KCNB2: variants seen among roughly 807,000 people sequenced by gnomAD.
KCNB2 encodes the protein delayed rectifier potassium channel protein.
A neutral mutation model predicts 61.5 loss-of-function variants in KCNB2; 15 were observed. The observed-to-expected ratio is 0.24, with a 90% CI of 0.16 to 0.38. The LOEUF (loss-of-function observed/expected upper bound fraction) is 0.38, where lower values mean the gene tolerates loss of function less well. KCNB2 is among the 10% of genes least tolerant of loss of function. KCNB2 has a pLI of 1.00. For synonymous variants in KCNB2, 457 were observed against 446.0 expected, an observed-to-expected ratio of 1.02 and a Z score of -0.31; for missense variants, 828 against 1,125.2, an observed-to-expected ratio of 0.74 and a Z score of 3.78.
At chr8:72,901,766 C>A (rs1192648218) in intron 2 of KCNB2, among the ~76,000 whole-genome samples, 1 of 152,148 alleles carries the variant, frequency 6.6e-6, no homozygotes, top group Non-Finnish European at 1.5e-5. Context: ...TTGCTGGATG[C>A]TGCCAAACTC....
intron 2 of KCNB2, among the ~76,000 whole-genome samples, chr8:72,660,218 G>A (rs1179885637): frequency 6.6e-6 from 1 of 152,146 alleles, no homozygotes; most frequent in African/African-American, 2.4e-5. Context: ...AATGAACTTG[G>A]AAGGTGGCTT....
chr8:72,842,324 G>GCT (rs1372624125), intron 2 of KCNB2, among the ~76,000 whole-genome samples: 1 of 152,182 alleles, frequency 6.6e-6, no homozygotes, highest in Non-Finnish European at 1.5e-5. Context: ...TGTGCTATTG[G>GCT]ATTCAGTTTG....
intron 2 of KCNB2, among the ~76,000 whole-genome samples, chr8:72,642,797 T>A (rs1806077330): frequency 6.6e-6 from 1 of 152,174 alleles, no homozygotes; most frequent in Admixed American, 6.5e-5. Context: ...GAGCAAAATT[T>A]CTTGCTTTGG....
chr8:72,725,608 T>C (rs1187737554), intron 2 of KCNB2, among the ~76,000 whole-genome samples: 3 of 143,132 alleles, frequency 2.1e-5, no homozygotes, highest in African/African-American at 7.7e-5. Context: ...TATATATATA[T>C]ATATATATAT....
chr8:72,915,626 A>G (rs772337243), intron 2 of KCNB2, among the ~76,000 whole-genome samples: 26 of 152,194 alleles, frequency 1.7e-4, no homozygotes, highest in Non-Finnish European at 3.7e-4. Flanking sequence ...TAACAGAAAT[A>G]GAAAAATCTG....
At chr8:72,692,724 A>G (rs903158561) in intron 2 of KCNB2, among the ~76,000 whole-genome samples, 2 of 150,968 alleles carry the variant, frequency 1.3e-5, no homozygotes, top group Non-Finnish European at 3.0e-5. Flanking sequence ...TTAATTCCTA[A>G]TTTGGCATTA....
intron 1 of KCNB2, among the ~76,000 whole-genome samples, chr8:72,561,870 A>C (rs1466117463): frequency 1.4e-5 from 2 of 147,364 alleles, no homozygotes; most frequent in African/African-American, 5.0e-5. Context: ...AGGTGCTTTC[A>C]AAAATTGCAG....
chr8:72,804,878 G>A (rs775801549), intron 2 of KCNB2, among the ~76,000 whole-genome samples: 11 of 152,192 alleles, frequency 7.2e-5, no homozygotes, highest in African/African-American at 9.7e-5. Flanking sequence ...CTGAGTGAGA[G>A]AAATGAAAAG....
intron 2 of KCNB2, among the ~76,000 whole-genome samples, chr8:72,754,380 T>C (rs1563580680): frequency 6.6e-6 from 1 of 152,152 alleles, no homozygotes; most frequent in Non-Finnish European, 1.5e-5. Context: ...TCCTCTCAAT[T>C]ATTTGCCTGA....
intron 2 of KCNB2, among the ~76,000 whole-genome samples, chr8:72,776,733 G>A (rs770263247): frequency 9.9e-5 from 15 of 152,126 alleles, no homozygotes; most frequent in Non-Finnish European, 1.9e-4. Flanking sequence ...TTCGGAGATC[G>A]GCATGCAGTA....
At chr8:72,867,054 A>T (rs1050255599) in intron 2 of KCNB2, among the ~76,000 whole-genome samples, 1 of 152,186 alleles carries the variant, frequency 6.6e-6, no homozygotes, top group Non-Finnish European at 1.5e-5. Context: ...ATCCCAAACT[A>T]TATCTTGCAC....
At chr8:72,631,266 A>G (rs1045527213) in intron 2 of KCNB2, among the ~76,000 whole-genome samples, 2 of 152,120 alleles carry the variant, frequency 1.3e-5, no homozygotes, top group South Asian at 4.2e-4. Context: ...AGCAACAGAA[A>G]ATGTATTGCC....
At position 72,648,529 on chromosome 8, in the gene KCNB2, C is replaced by T. The variant is rs562401285; in HGVS notation, c.579+80216C>T. ...GCTCAAGCCATCCTCCTGCCTCAGC[C>T]TCCCTAAGTGCTGGGATTACAGGCA... On this transcript the variant is annotated intron_variant, in intron 2 of 2. Transcript: ENST00000523207. Among the ~76,000 whole-genome samples, 3 of 149,646 alleles carry T rather than the reference C, an allele frequency of 2.0e-5. No individual in the cohort carries two copies. In the South Asian group the frequency reaches 6.3e-4, roughly 31 times the overall value.
At position 72,937,030 on chromosome 8, in the gene KCNB2, G is replaced by C. The variant is rs1158371596; in HGVS notation, c.1675G>C (p.Asp559His). ...KTQPHSHPNP[D>H]CQEKPERPSA... ...ACAGCCTCATTCTCACCCAAACCCA[G>C]ACTGCCAAGAAAAGCCTGAGAGGCC... The change falls in exon 3 of 3, where the codon GAC becomes CAC. Residue 559 changes from aspartate (D) to histidine (H), a missense_variant. Coordinates refer to ENST00000523207, the MANE Select transcript of KCNB2 (RefSeq NM_004770.3). 2 of 1,614,092 alleles carry C rather than the reference G, an allele frequency of 1.2e-6. No individual in the cohort carries two copies. The highest frequency in any genetic ancestry group is 3.3e-5 in the Admixed American group (2 of 60,022).
chr8:72,914,709 G>A (rs1010770992), intron 2 of KCNB2, among the ~76,000 whole-genome samples: 3 of 152,116 alleles, frequency 2.0e-5, no homozygotes, highest in Admixed American at 6.6e-5. Context: ...TTGGTGTTGA[G>A]AATTCAGCCA....
chr8:72,646,978 T>A (rs1806139032), intron 2 of KCNB2, among the ~76,000 whole-genome samples: 1 of 152,146 alleles, frequency 6.6e-6, no homozygotes, highest in Admixed American at 6.6e-5. Context: ...AGAGGTTAAG[T>A]AACCTCAAGA....
At chr8:72,664,417 A>G (rs889415967) in intron 2 of KCNB2, among the ~76,000 whole-genome samples, 3 of 152,214 alleles carry the variant, frequency 2.0e-5, no homozygotes, top group Non-Finnish European at 4.4e-5. Context: ...TAACATCCAC[A>G]AACACCTGTC....
intron 2 of KCNB2, among the ~76,000 whole-genome samples, chr8:72,776,802 G>A (rs184718212): frequency 4.4e-4 from 67 of 152,290 alleles, no homozygotes; most frequent in Non-Finnish European, 8.1e-4. Context: ...CATCTCCGGA[G>A]CAAAGGTCTT....
chr8:72,672,351 A>T (rs569946613), intron 2 of KCNB2, among the ~76,000 whole-genome samples: 1 of 152,318 alleles, frequency 6.6e-6, no homozygotes, highest in South Asian at 2.1e-4. Flanking sequence ...AGGTTAATTA[A>T]TGTAGACATT....
Sources: gnomAD v4.1 joint callset for allele counts (sites outside exome capture counted in the v4.1 genomes callset) on GRCh38, gnomAD v4.1.1 for gene constraint, MANE v1.5 for transcripts, NCBI Gene and HGNC (gene_info 2026-07-23, HGNC 2026-07-21) for gene names.